NXPH1: variants seen among roughly 807,000 people sequenced by gnomAD.
NXPH1 encodes the protein neurexophilin-1.
NXPH1 carries 5 observed loss-of-function variants against 23.7 expected under a neutral mutation model. The ratio of observed to expected loss-of-function variants is 0.21; its 90% CI spans 0.11 to 0.44. The LOEUF (loss-of-function observed/expected upper bound fraction) is 0.44, where lower values mean the gene tolerates loss of function less well. Among genes scored for constraint, NXPH1 ranks in the 20% least tolerant of loss-of-function variants. The pLI is 0.99. For missense variants in NXPH1, 324 were observed against 321.6 expected, an observed-to-expected ratio of 1.01 and a Z score of -0.06; for synonymous variants, 144 against 122.2, an observed-to-expected ratio of 1.18 and a Z score of -1.18.
intron 2 of NXPH1, among the ~76,000 whole-genome samples, chr7:8,726,361 T>C (rs1204910695): frequency 6.6e-6 from 1 of 151,914 alleles, no homozygotes; most frequent in Non-Finnish European, 1.5e-5. Context: ...ATACTTTAAG[T>C]TTTAGGGTAC....
chr7:8,527,657 A>G (rs1462076884), intron 2 of NXPH1, among the ~76,000 whole-genome samples: 4 of 152,194 alleles, frequency 2.6e-5, no homozygotes, highest in Non-Finnish European at 5.9e-5. Flanking sequence ...TGCTAAATGG[A>G]TCCAGACTCT....
chr7:8,491,671 A>G (rs912123009), intron 2 of NXPH1, among the ~76,000 whole-genome samples: 1 of 152,032 alleles, frequency 6.6e-6, no homozygotes, highest in Non-Finnish European at 1.5e-5. Flanking sequence ...CCATCATCTT[A>G]AATCCTGCTG....
intron 2 of NXPH1, among the ~76,000 whole-genome samples, chr7:8,743,192 T>TA (rs1016361845): frequency 3.3e-5 from 5 of 152,100 alleles, no homozygotes; most frequent in African/African-American, 1.2e-4. Flanking sequence ...GTTTTTTTTT[T>TA]AAACATTTTT....
chr7:8,476,497 C>G (rs1816973787), intron 2 of NXPH1, among the ~76,000 whole-genome samples: 1 of 151,398 alleles, frequency 6.6e-6, no homozygotes, highest in African/African-American at 2.4e-5. Context: ...CAAACCTTAG[C>G]TTGTTTTTCT....
At chr7:8,560,176 TA>T (rs1392997395) in intron 2 of NXPH1, among the ~76,000 whole-genome samples, 2 of 151,722 alleles carry the variant, frequency 1.3e-5, no homozygotes, top group African/African-American at 2.4e-5. Context: ...TCAGGTCATA[TA>T]AAAAATAATA....
chr7:8,549,789 G>C (rs769348633), intron 2 of NXPH1, among the ~76,000 whole-genome samples: 2 of 151,484 alleles, frequency 1.3e-5, no homozygotes, highest in African/African-American at 2.4e-5. Context: ...AATGTACACA[G>C]AGATTACACA....
chr7:8,549,708 T>C (rs1394201428), intron 2 of NXPH1, among the ~76,000 whole-genome samples: 1 of 151,592 alleles, frequency 6.6e-6, no homozygotes, highest in African/African-American at 2.4e-5. Context: ...CAGAAATGCT[T>C]ATAAATGCCA....
At chr7:8,653,707 A>G (rs189852134) in intron 2 of NXPH1, among the ~76,000 whole-genome samples, 1 of 152,350 alleles carries the variant, frequency 6.6e-6, no homozygotes. Context: ...GAATGCAGAA[A>G]GGCAGCCCAT....
Position 8,435,638 on chromosome 7 carries a change from T to G in NXPH1, c.-76T>G. ...AGCGCTCCTTGCTCTGTAAAGTGGA[T>G]GTCAGGTGGATCTATGTTTCTGAAG... On this transcript the variant is annotated 5_prime_UTR_variant, in exon 2 of 3. It removes an upstream start codon present in the reference 5' UTR. Transcript: ENST00000405863. This position sits in a 1 kb window ranked among gnomAD's most constrained non-coding sequence, Gnocchi z 5.9. 1.5e-6 allele frequency: 2 copies of G among 1,334,444 alleles called. No homozygotes were observed. Among genetic ancestry groups the G allele is most frequent in the Non-Finnish European group, 2.2e-6 (2 of 924,968 alleles). The allele number at this position is 1,334,444 out of a possible 1,614,324, so 82.7% of individuals were successfully genotyped here.
At chr7:8,511,896 T>C (rs1484898175) in intron 2 of NXPH1, among the ~76,000 whole-genome samples, 5 of 152,106 alleles carry the variant, frequency 3.3e-5, no homozygotes, top group Admixed American at 2.0e-4. Flanking sequence ...TTATCAAGGT[T>C]GACTGAAAGA....
intron 2 of NXPH1, among the ~76,000 whole-genome samples, chr7:8,472,839 A>T (rs1483500428): frequency 6.6e-6 from 1 of 152,214 alleles, no homozygotes; most frequent in Non-Finnish European, 1.5e-5. Flanking sequence ...AGACTAAACA[A>T]GGGGAACTCA....
chr7:8,699,578 TG>T (rs1459773307), intron 2 of NXPH1, among the ~76,000 whole-genome samples: 1 of 152,150 alleles, frequency 6.6e-6, no homozygotes, highest in Non-Finnish European at 1.5e-5. Context: ...CATTTTAATT[TG>T]AACGTTAAAA....
rs78503242 is a variant in NXPH1, at chr7:8,598,867, C to G, written c.55-152141C>G. On this transcript the variant is annotated intron_variant, in intron 2 of 2. Transcript: ENST00000405863. ...TGAAGCCAGCCTAATTGCTTCTGAT[C>G]ATTGTATGCCTGCTGTAGGCTCTGG... Among the ~76,000 whole-genome samples, 32 of 152,208 alleles carry G rather than the reference C, an allele frequency of 2.1e-4. No individual in the cohort carries two copies. The East Asian group carries it at 6.0e-3, about 29-fold the overall frequency.
At chr7:8,711,337 T>C (rs1184519432) in intron 2 of NXPH1, among the ~76,000 whole-genome samples, 3 of 152,362 alleles carry the variant, frequency 2.0e-5, no homozygotes, top group East Asian at 1.9e-4. Context: ...GTTAGACATA[T>C]TTATTTTTGA....
At chr7:8,621,464 T>A (rs60247618) in intron 2 of NXPH1, among the ~76,000 whole-genome samples, 3,734 of 151,580 alleles carry the variant, frequency 0.025, 139 homozygotes, top group African/African-American at 0.079. Flanking sequence ...AGATTGGTAT[T>A]GAGAAACAAT....
intron 2 of NXPH1, among the ~76,000 whole-genome samples, chr7:8,741,536 TC>T (rs1780360249): frequency 6.6e-6 from 1 of 152,150 alleles, no homozygotes; most frequent in Admixed American, 6.5e-5. Context: ...GTACAGCTGT[TC>T]CCTTTCTCCA....
chr7:8,647,830 T>G (rs939251300), intron 2 of NXPH1, among the ~76,000 whole-genome samples: 4 of 152,102 alleles, frequency 2.6e-5, no homozygotes, highest in Admixed American at 2.0e-4. Flanking sequence ...ATTTGGCCAT[T>G]TTATCCCTAA....
chr7:8,523,052 A>C (rs764440872), intron 2 of NXPH1, among the ~76,000 whole-genome samples: 1 of 152,230 alleles, frequency 6.6e-6, no homozygotes, highest in Non-Finnish European at 1.5e-5. Flanking sequence ...CAGGTATACT[A>C]GTTGTGAGAA....
chr7:8,458,964 A>G (rs1816646300), intron 2 of NXPH1, among the ~76,000 whole-genome samples: 1 of 152,148 alleles, frequency 6.6e-6, no homozygotes, highest in Non-Finnish European at 1.5e-5. Flanking sequence ...TCCATTCCTT[A>G]AACTAAATTT....
Sources: gnomAD v4.1 joint callset for allele counts (sites outside exome capture counted in the v4.1 genomes callset) on GRCh38, gnomAD v4.1.1 for gene constraint, Gnocchi (gnomAD v3.1) non-coding constraint, MANE v1.5 for transcripts, NCBI Gene and HGNC (gene_info 2026-07-23, HGNC 2026-07-21) for gene names.